The following JARID2 variants were observed in gnomAD, a reference collection of about 807,000 sequenced individuals.
JARID2 encodes the protein protein Jumonji.
JARID2 carries 21 observed loss-of-function variants against 125.6 expected under a neutral mutation model. The ratio of observed to expected loss-of-function variants is 0.17; its 90% CI spans 0.12 to 0.24. The LOEUF (loss-of-function observed/expected upper bound fraction) is 0.24, where lower values mean the gene tolerates loss of function less well. Among genes scored for constraint, JARID2 ranks in the 10% least tolerant of loss-of-function variants. The pLI is 1.00. For synonymous variants in JARID2, 736 were observed against 661.6 expected, an observed-to-expected ratio of 1.11 and a Z score of -1.73; for missense variants, 1,303 against 1,639.6, an observed-to-expected ratio of 0.79 and a Z score of 3.55.
chr6:15,362,018 C>T (rs1382977890), intron 1 of JARID2, among the ~76,000 whole-genome samples: 1 of 151,330 alleles, frequency 6.6e-6, no homozygotes, highest in Non-Finnish European at 1.5e-5. Context: ...GTCTTAGCCT[C>T]CAGAGTAGGT....
chr6:15,315,464 T>C lies in JARID2; in HGVS notation c.46-58653T>C, dbSNP rs370931445. 6.6e-5 allele frequency among the ~76,000 whole-genome samples: 10 copies of C among 152,326 alleles called. No homozygotes were observed. In the East Asian group the frequency reaches 1.7e-3, roughly 26 times the overall value. Reference sequence around the variant, plus strand: ...CAGTCTCTCTCATATAGCTTTGATCTTTACTGTGGGAATCATAGTGCAGTC... The same window carrying C: ...CAGTCTCTCTCATATAGCTTTGATCCTTACTGTGGGAATCATAGTGCAGTC... On this transcript the variant is annotated intron_variant, in intron 1 of 17. Transcript: ENST00000341776.
chr6:15,369,277 T>G (rs772605709), intron 1 of JARID2: 1 of 456,810 alleles, frequency 2.2e-6, no homozygotes, highest in South Asian at 1.6e-5. Context: ...CTTAACCACT[T>G]GGCACAGTGT....
intron 1 of JARID2, among the ~76,000 whole-genome samples, chr6:15,264,968 A>T (rs1189298396): frequency 6.6e-6 from 1 of 152,176 alleles, no homozygotes; most frequent in Non-Finnish European, 1.5e-5. Flanking sequence ...TTCAGGCTTA[A>T]TTCATTGCTC....
At chr6:15,300,682 G>GTTGT (rs1487270439) in intron 1 of JARID2, among the ~76,000 whole-genome samples, 3 of 110,226 alleles carry the variant, frequency 2.7e-5, no homozygotes, top group African/African-American at 9.7e-5. Flanking sequence ...GTGTCCTCAT[G>GTTGT]TTGTGTGTGT....
chr6:15,363,667 A>G (rs1424786685), intron 1 of JARID2, among the ~76,000 whole-genome samples: 1 of 152,188 alleles, frequency 6.6e-6, no homozygotes, highest in African/African-American at 2.4e-5. Context: ...TCAGCATTTA[A>G]AAATGTTTGT....
intron 14 of JARID2, 55 bp from the exon 15 acceptor site, chr6:15,512,860 T>C (rs1046317721): frequency 1.3e-6 from 2 of 1,564,972 alleles, no homozygotes; most frequent in Admixed American, 1.8e-5. Flanking sequence ...AGAAGAACCT[T>C]GACAGCTGCC....
chr6:15,286,047 CTTGT>C (rs1760986987), intron 1 of JARID2, among the ~76,000 whole-genome samples: 1 of 152,006 alleles, frequency 6.6e-6, no homozygotes, highest in Non-Finnish European at 1.5e-5. Flanking sequence ...TTTCCTTTTT[CTTGT>C]TTGTTTGTTT....
intron 2 of JARID2, among the ~76,000 whole-genome samples, chr6:15,392,511 G>A (rs1362457611): frequency 6.6e-6 from 1 of 152,080 alleles, no homozygotes; most frequent in Non-Finnish European, 1.5e-5. Context: ...AGAGGGATGA[G>A]GGACTGCTGC....
At position 15,508,396 on chromosome 6, in the gene JARID2, C is replaced by T; in HGVS notation, c.2788C>T (p.Arg930Ter). Residue 930 changes from arginine to a stop codon, truncating the protein, a stop_gained, in exon 12 of 18, where the codon CGA becomes TGA. Transcript: ENST00000341776. LOFTEE classifies it high-confidence loss of function. ...GMVFSTSCWS[R>*]DQNHLPYIDY... The stretch of plus-strand genomic sequence containing the variant: ...GGTCTTTTCTACCTCATGCTGGTCT[C>T]GAGACCAAAATCACCTTCCATACAT... The T allele has an allele frequency of 6.2e-7, 1 of 1,611,652 alleles. No individual in the cohort carries two copies. Among genetic ancestry groups the T allele is most frequent in the East Asian group, 2.2e-5 (1 of 44,862 alleles).
At chr6:15,350,326 A>C (rs1763380790) in intron 1 of JARID2, among the ~76,000 whole-genome samples, 1 of 152,160 alleles carries the variant, frequency 6.6e-6, no homozygotes, top group African/African-American at 2.4e-5. Flanking sequence ...GAAGGAAATA[A>C]GCTGTGTTTT....
In JARID2 at chr6:15,501,303, A is replaced by G; in HGVS notation, c.2342A>G (p.Gln781Arg). The G allele has an allele frequency of 6.2e-7, 1 of 1,612,220 alleles. No homozygotes were observed. Among genetic ancestry groups the G allele is most frequent in the South Asian group, 1.1e-5 (1 of 91,028 alleles). The change falls in exon 8 of 18, where the codon CAG becomes CGG. Residue 781 changes from glutamine (Q) to arginine (R), a missense_variant. Physicochemically the swap from Gln to Arg is conservative, Grantham distance 43. Transcript: ENST00000341776. Reference protein sequence around the residue: ...RSKLKEVGQAQLKTGRRRLFA... With the variant: ...RSKLKEVGQARLKTGRRRLFA... Reference sequence around the variant, plus strand: ...AAGCTCAAGGAGGTGGGCCAGGCCCAGTTGAAGACTGGCCGGCGGCGACTC... The same window carrying G: ...AAGCTCAAGGAGGTGGGCCAGGCCCGGTTGAAGACTGGCCGGCGGCGACTC...
At chr6:15,336,095 GA>G (rs1762867394) in intron 1 of JARID2, among the ~76,000 whole-genome samples, 1 of 148,682 alleles carries the variant, frequency 6.7e-6, no homozygotes. Flanking sequence ...GTGAATGAAT[GA>G]ATGAATGAAT....
intron 1 of JARID2, among the ~76,000 whole-genome samples, chr6:15,323,962 C>G (rs529120539): frequency 1.3e-5 from 2 of 151,598 alleles, no homozygotes; most frequent in East Asian, 3.9e-4. Context: ...GCGGGCGGAT[C>G]ACAAGGTCAG....
chr6:15,320,844 CT>C (rs1561790847), intron 1 of JARID2, among the ~76,000 whole-genome samples: 28 of 136,822 alleles, frequency 2.0e-4, no homozygotes, highest in African/African-American at 7.4e-4. Flanking sequence ...TTCATTCTCT[CT>C]CTCTCTCTGT....
intron 1 of JARID2, 151 bp from the exon 2 acceptor site, chr6:15,373,966 T>A: frequency 1.2e-6 from 1 of 816,832 alleles, no homozygotes; most frequent in South Asian, 1.9e-5. Flanking sequence ...TCATTGCCCC[T>A]TTACCTTATG....
rs560705569 is a variant in JARID2, at chr6:15,252,910, T to C, written c.45+6326T>C. 2.6e-5 allele frequency among the ~76,000 whole-genome samples: 4 copies of C among 152,336 alleles called. No homozygotes were observed. The East Asian group carries it at 7.7e-4, about 29-fold the overall frequency. Reference sequence around the variant, plus strand: ...CTTGCCTCACCCTTGCAGGCATCTTTTATTCTAGGAGGTGAGAACTCCGTG... The same window carrying C: ...CTTGCCTCACCCTTGCAGGCATCTTCTATTCTAGGAGGTGAGAACTCCGTG... On this transcript the variant is annotated intron_variant, in intron 1 of 17. Coordinates refer to ENST00000341776, the MANE Select transcript of JARID2 (RefSeq NM_004973.4).
chr6:15,369,258 CACCTG>C (rs755977424), intron 1 of JARID2: 1 of 387,304 alleles, frequency 2.6e-6, no homozygotes, highest in Non-Finnish European at 5.4e-6. Context: ...GCCCACAGAC[CACCTG>C]TACCTTAACC....
chr6:15,508,765 TTTTTGTTTTGTTTTGTTTCG>T (rs1353342007), intron 12 of JARID2, among the ~76,000 whole-genome samples: 2 of 152,188 alleles, frequency 1.3e-5, no homozygotes, highest in East Asian at 3.8e-4. Flanking sequence ...CTTACGTCTG[TTTTTGTTTTGTTTTGTTTCG>T]TTTTGTTTTG....
intron 1 of JARID2, chr6:15,368,617 C>G: frequency 2.3e-6 from 1 of 430,024 alleles, no homozygotes; most frequent in Non-Finnish European, 4.7e-6. Context: ...TTTGAGAGAC[C>G]GTGTCACGTA....
Sources: gnomAD v4.1 joint callset for allele counts (sites outside exome capture counted in the v4.1 genomes callset) on GRCh38, gnomAD v4.1.1 for gene constraint, MANE v1.5 for transcripts, NCBI Gene and HGNC (gene_info 2026-07-23, HGNC 2026-07-21) for gene names.